Variants in SLC9A1 observed in about 807,000 individuals in gnomAD.
The protein encoded by SLC9A1 is sodium/hydrogen exchanger 1.
SLC9A1 carries 22 observed loss-of-function variants against 67.9 expected under a neutral mutation model. The ratio of observed to expected loss-of-function variants is 0.32; its 90% CI spans 0.23 to 0.46. The LOEUF (loss-of-function observed/expected upper bound fraction) is 0.46, where lower values mean the gene tolerates loss of function less well. SLC9A1 is among the 20% of genes least tolerant of loss of function. The pLI is 1.00. For synonymous variants in SLC9A1, 421 were observed against 471.8 expected, an observed-to-expected ratio of 0.89 and a Z score of 1.40; for missense variants, 686 against 1,094.8, an observed-to-expected ratio of 0.63 and a Z score of 5.27.
intron 5 of SLC9A1, 107 bp downstream of exon 5, chr1:27,105,778 G>C: frequency 1.0e-6 from 1 of 956,368 alleles, no homozygotes; most frequent in South Asian, 1.4e-5. Context: ...GTTAGTGGTG[G>C]AGCTGGGACT....
intron 1 of SLC9A1, among the ~76,000 whole-genome samples, chr1:27,131,938 G>GAAGAAAAAAA (rs1553119548): frequency 2.9e-5 from 1 of 35,030 alleles, no homozygotes; most frequent in African/African-American, 1.1e-4. Context: ...AGAAGAAGAA[G>GAAGAAAAAAA]AAAAAAAAAA....
At chr1:27,132,266 G>A (rs1236633896) in intron 1 of SLC9A1, among the ~76,000 whole-genome samples, 1 of 152,028 alleles carries the variant, frequency 6.6e-6, no homozygotes, top group East Asian at 1.9e-4. Flanking sequence ...AGCAGGCTGG[G>A]GGCCTCAGTA....
Position 27,100,544 on chromosome 1 carries a change from C to T in SLC9A1, c.2211G>A (p.Leu737=). The T allele has an allele frequency of 2.5e-6, 4 of 1,614,070 alleles. No individual in the cohort carries two copies. Among genetic ancestry groups the T allele is most frequent in the Non-Finnish European group, 2.5e-6 (3 of 1,179,936 alleles). The part of the protein sequence containing the change: ...PESVDLVNEE[L]KGKVLGLSRD... ...GGCTCAACCCTAAGACTTTGCCCTT[C>T]AGCTCTTCATTCACCAGGTCCACAG... Residue 737 remains leucine, a synonymous_variant, in exon 12 of 12, where the codon CTG becomes CTA. Coordinates refer to ENST00000263980, the MANE Select transcript of SLC9A1 (RefSeq NM_003047.5). This position sits in a 1 kb window ranked among gnomAD's most constrained non-coding sequence, Gnocchi z 5.6.
Position 27,154,405 on chromosome 1 carries a change from G to T in SLC9A1, c.-71C>A. On this transcript the variant is annotated 5_prime_UTR_variant, in exon 1 of 12. Transcript: ENST00000263980. Reference sequence around the variant, plus strand: ...AAACCGGGCACATAGGTAGCAAAGGGTCAGCAAGTGGGAAGAGAGACTGGC... The same window carrying T: ...AAACCGGGCACATAGGTAGCAAAGGTTCAGCAAGTGGGAAGAGAGACTGGC... 1.1e-6 allele frequency: 1 copy of T among 949,616 alleles called. No homozygotes were observed. The highest frequency in any genetic ancestry group is 1.6e-6 in the Non-Finnish European group (1 of 641,096). 58.8% of individuals were successfully genotyped at this position (949,616 alleles called of 1,614,324 possible).
intron 6 of SLC9A1, 198 bp from the exon 7 acceptor site, chr1:27,102,941 C>T: frequency 3.2e-6 from 2 of 624,522 alleles, no homozygotes; most frequent in Non-Finnish European, 5.7e-6. Context: ...GAAGCCTTGC[C>T]TGTGTCCGGC....
In SLC9A1 at chr1:27,099,942, CAG is replaced by C. The variant is rs920309637; in HGVS notation, c.*363_*364del. ...TTCCTGGGTGGGACCACAGCTGAGC[CAG>C]AGACTCTTTGGTTAGAAACTAAGAT... On this transcript the variant is annotated 3_prime_UTR_variant, in exon 12 of 12. Coordinates refer to ENST00000263980, the MANE Select transcript of SLC9A1 (RefSeq NM_003047.5). 1.8e-5 allele frequency: 4 copies of C among 222,548 alleles called. No homozygotes were observed. Among genetic ancestry groups the C allele is most frequent in the African/African-American group, 9.0e-5 (4 of 44,260 alleles). The allele number at this position is 222,548 out of a possible 1,614,324, so 13.8% of individuals were successfully genotyped here.
At chr1:27,125,665 G>A (rs752494236) in intron 1 of SLC9A1, among the ~76,000 whole-genome samples, 7 of 152,002 alleles carry the variant, frequency 4.6e-5, no homozygotes, top group Non-Finnish European at 1.0e-4. Context: ...CGCAATCTTG[G>A]CTCATTGCAA....
Position 27,108,103 on chromosome 1 carries a change from G to T in SLC9A1, c.1065-238C>A, listed in dbSNP as rs370834421. Among the ~76,000 whole-genome samples the T allele has an allele frequency of 5.0e-4, 64 of 128,906 alleles. 2 individuals carry two copies. In the South Asian group the frequency reaches 0.014, roughly 29 times the overall value. 84.6% of individuals were successfully genotyped at this position (128,906 alleles called of 152,430 possible). A position where few individuals can be genotyped will look rare whatever the true frequency, so the allele number is the denominator to read the frequency against. ...TTTTTTTTGAGACGAGTCTCACTCT[G>T]TCACCCAGGCTGGAGAGCAGTGGCG... is the stretch of plus-strand genomic sequence containing the variant. On this transcript the variant is annotated intron_variant, in intron 3 of 11. Transcript: ENST00000263980.
At chr1:27,139,389 T>C (rs192706716) in intron 1 of SLC9A1, among the ~76,000 whole-genome samples, 9 of 152,296 alleles carry the variant, frequency 5.9e-5, no homozygotes, top group Non-Finnish European at 1.2e-4. Context: ...AATTATTCCC[T>C]GTTTCACTTT....
chr1:27,114,303 A>G lies in SLC9A1; in HGVS notation c.353-17T>C, dbSNP rs2083251270. 12 of 1,594,320 alleles carry G rather than the reference A, an allele frequency of 7.5e-6. No individual in the cohort carries two copies. The highest frequency in any genetic ancestry group is 1.0e-5 in the Non-Finnish European group (12 of 1,165,628). ...CATGGAAACCTGCGGAGGGCGAGAG[A>G]ACGGGAGGCCATGGGCTTTCGGAGG... On this transcript the variant is annotated splice_polypyrimidine_tract_variant and intron_variant, in intron 1 of 11. Coordinates refer to ENST00000263980, the MANE Select transcript of SLC9A1 (RefSeq NM_003047.5). The surrounding 1 kb of genome is among the most constrained non-coding windows in gnomAD (Gnocchi z 5.4).
At chr1:27,150,930 C>T (rs1386276456) in intron 1 of SLC9A1, among the ~76,000 whole-genome samples, 1 of 152,162 alleles carries the variant, frequency 6.6e-6, no homozygotes, top group Non-Finnish European at 1.5e-5. Flanking sequence ...AACGGAACTC[C>T]TACCCACGCA....
chr1:27,129,467 C>A (rs766081406), intron 1 of SLC9A1, among the ~76,000 whole-genome samples: 2 of 152,170 alleles, frequency 1.3e-5, no homozygotes, highest in African/African-American at 4.8e-5. Context: ...GATGAGGACA[C>A]GGCCAGCTGC....
At chr1:27,142,281 C>T (rs916465925) in intron 1 of SLC9A1, among the ~76,000 whole-genome samples, 5 of 152,206 alleles carry the variant, frequency 3.3e-5, no homozygotes, top group African/African-American at 7.2e-5. Flanking sequence ...CATTAATTCA[C>T]GAGTGGCCTG....
intron 3 of SLC9A1, among the ~76,000 whole-genome samples, chr1:27,108,215 G>T (rs2083203385): frequency 6.6e-6 from 1 of 151,500 alleles, no homozygotes; most frequent in Non-Finnish European, 1.5e-5. Flanking sequence ...ACAGGTGCCC[G>T]CCACCACGCC....
At chr1:27,119,543 C>T (rs2083292502) in intron 1 of SLC9A1, among the ~76,000 whole-genome samples, 1 of 152,180 alleles carries the variant, frequency 6.6e-6, no homozygotes, top group Non-Finnish European at 1.5e-5. Flanking sequence ...AAAGGTAATA[C>T]TTCCCAATGA....
At chr1:27,123,886 G>A (rs1251262550) in intron 1 of SLC9A1, among the ~76,000 whole-genome samples, 2 of 151,728 alleles carry the variant, frequency 1.3e-5, no homozygotes, top group Non-Finnish European at 2.9e-5. Flanking sequence ...GAGGGCAGTG[G>A]CACGATCTTG....
chr1:27,117,608 T>G (rs1456239104), intron 1 of SLC9A1, among the ~76,000 whole-genome samples: 1 of 152,112 alleles, frequency 6.6e-6, no homozygotes, highest in Non-Finnish European at 1.5e-5. Context: ...AACAGCAACA[T>G]GAAGACGGCT....
intron 3 of SLC9A1, among the ~76,000 whole-genome samples, chr1:27,108,185 C>T (rs892046837): frequency 4.0e-5 from 6 of 151,566 alleles, no homozygotes; most frequent in Non-Finnish European, 7.4e-5. Flanking sequence ...TCTGCCTCAG[C>T]CTCCCGAGTG....
intron 4 of SLC9A1, among the ~76,000 whole-genome samples, chr1:27,107,440 C>T (rs2083195673): frequency 6.6e-6 from 1 of 150,574 alleles, no homozygotes; most frequent in Non-Finnish European, 1.5e-5. Context: ...ATGCACTACA[C>T]ACACCACACA....
Sources: allele counts gnomAD v4.1 joint callset (sites outside exome capture counted in the v4.1 genomes callset), GRCh38; gene constraint gnomAD v4.1.1; non-coding constraint Gnocchi (gnomAD v3.1); transcripts MANE v1.5; gene names NCBI Gene and HGNC (gene_info 2026-07-23, HGNC 2026-07-21).